The following PNPLA4 variants were observed in gnomAD, a reference collection of about 807,000 sequenced individuals.
PNPLA4 encodes the protein patatin like domain 4, phospholipase and triacylglycerol lipase.
PNPLA4 carries 15 observed loss-of-function variants against 18.3 expected under a neutral mutation model. The observed-to-expected ratio is 0.82, with a 90% CI of 0.55 to 1.26. The LOEUF is 1.26. Ranked by LOEUF, PNPLA4 falls within the 50% of genes most tolerant of loss-of-function variation. The pLI, the probability that PNPLA4 is intolerant of heterozygous loss-of-function variation, is 0.00. For synonymous variants in PNPLA4, 88 were observed against 85.6 expected (o/e 1.03, Z -0.16); for missense variants, 229 against 196.8 (o/e 1.16, Z -0.98).
rs1242564857 is a variant in PNPLA4, at chrX:7,900,199, C to A, written c.*487G>T. 1.7e-5 allele frequency: 2 copies of A among 114,305 alleles called. No homozygotes were observed. Among genetic ancestry groups the A allele is most frequent in the African/African-American group, 6.5e-5 (2 of 30,857 alleles). 9.4% of individuals were successfully genotyped at this position (114,305 alleles called of 1,213,427 possible). ...GTGTGAAAATGGACTAATACACAAA[C>A]CTTTGTTCCTCCAGTCCTGATCAAA... is the stretch of plus-strand genomic sequence containing the variant. On this transcript the variant is annotated 3_prime_UTR_variant, in exon 7 of 7. Coordinates refer to ENST00000381042, the MANE Select transcript of PNPLA4 (RefSeq NM_004650.3).
At chrX:7,923,541 C>T (rs1429555971) in intron 2 of PNPLA4, among the ~76,000 whole-genome samples, 4 of 111,975 alleles carry the variant, frequency 3.6e-5, no homozygotes, top group Non-Finnish European at 7.5e-5. Context: ...GCTGAAGGTC[C>T]TTTGTCAAAT....
chrX:7,900,792 A>C lies in PNPLA4; in HGVS notation c.656T>G (p.Leu219Arg). The change falls in exon 7 of 7, where the codon CTC (leucine) becomes CGC (arginine). Residue 219 changes from leucine to arginine, a missense_variant. Transcript: ENST00000381042. ...GCTTGGGGGAAAAAGGGCTTGGTTG[A>C]GTCTCACCAGGTTTGCCAGGGACAA... ...IMLSLANLVR[L>R]NQALFPPSKR... The C allele has an allele frequency of 2.5e-6, 3 of 1,205,315 alleles. No homozygotes were observed. The highest frequency in any genetic ancestry group is 3.6e-5 in the South Asian group (2 of 55,642).
intron 5 of PNPLA4, among the ~76,000 whole-genome samples, chrX:7,904,047 C>CT (rs752894175): frequency 1.2e-4 from 13 of 110,767 alleles, no homozygotes; most frequent in Admixed American, 4.8e-4. Flanking sequence ...CCAGAACCTG[C>CT]TTTTTTTCCC....
intron 5 of PNPLA4, among the ~76,000 whole-genome samples, chrX:7,911,073 AG>A (rs767438091): frequency 5.4e-5 from 6 of 110,120 alleles, no homozygotes; most frequent in Non-Finnish European, 1.1e-4. Flanking sequence ...TTTGATTATA[AG>A]ATGCGTATTT....
chrX:7,904,447 A>C (rs1459986400), intron 5 of PNPLA4, among the ~76,000 whole-genome samples: 1 of 112,044 alleles, frequency 8.9e-6, no homozygotes, highest in Admixed American at 9.5e-5. Context: ...TTGCAATGAT[A>C]CCGGCTCCTT....
chrX:7,913,118 A>C (rs1923929203), intron 4 of PNPLA4, among the ~76,000 whole-genome samples: 1 of 111,800 alleles, frequency 8.9e-6, no homozygotes, highest in Non-Finnish European at 1.9e-5. Flanking sequence ...GACCCGACAC[A>C]GCTGGAATCC....
At position 7,909,625 on chromosome X, in the gene PNPLA4, T is replaced by TA. The variant is rs750025208; in HGVS notation, c.477+2402dup. Among the ~76,000 whole-genome samples, 10 of 110,508 alleles carry TA rather than the reference T, an allele frequency of 9.0e-5. No individual in the cohort carries two copies. In the East Asian group the frequency reaches 2.8e-3, roughly 31 times the overall value. ...GAATATCGAGGGCAGGCTGGTAAGG[T>TA]AGACTCCTCAAATCATTTAGGACCT... is the stretch of plus-strand genomic sequence containing the variant. On this transcript the variant is annotated intron_variant, in intron 5 of 6. Coordinates refer to ENST00000381042, the MANE Select transcript of PNPLA4 (RefSeq NM_004650.3).
At chrX:7,919,560 C>A (rs1924148827) in intron 4 of PNPLA4, among the ~76,000 whole-genome samples, 1 of 112,546 alleles carries the variant, frequency 8.9e-6, no homozygotes. Flanking sequence ...TTTCAAGATT[C>A]ATGTACTTAG....
At chrX:7,917,887 G>T (rs768699339) in intron 4 of PNPLA4, among the ~76,000 whole-genome samples, 2 of 111,946 alleles carry the variant, frequency 1.8e-5, no homozygotes, top group Admixed American at 9.5e-5. Context: ...TTTCTAGTTG[G>T]ATTTTCAGGT....
At chrX:7,907,761 C>T (rs896905234) in intron 5 of PNPLA4, among the ~76,000 whole-genome samples, 3 of 109,066 alleles carry the variant, frequency 2.8e-5, no homozygotes, top group African/African-American at 1.0e-4. Flanking sequence ...CACTCTGTTG[C>T]CCAGGCTGGA....
chrX:7,926,290 T>G (rs186336185), intron 1 of PNPLA4, among the ~76,000 whole-genome samples, 158 bp from the exon 2 acceptor site: 2 of 112,887 alleles, frequency 1.8e-5, no homozygotes, highest in Admixed American at 1.9e-4. Flanking sequence ...CAAGAATCTT[T>G]CAAGGAAACC....
At chrX:7,925,889 T>C (rs1470165084) in intron 2 of PNPLA4, 51 bp downstream of exon 2, 1 of 1,075,149 alleles carries the variant, frequency 9.3e-7, no homozygotes, top group Admixed American at 2.3e-5. Flanking sequence ...TGTTTGCCTT[T>C]GGGTCTTAAT....
intron 4 of PNPLA4, among the ~76,000 whole-genome samples, chrX:7,919,879 CTT>C (rs1412008038): frequency 8.9e-6 from 1 of 111,958 alleles, no homozygotes; most frequent in Non-Finnish European, 1.9e-5. Flanking sequence ...GGCCCAGCTT[CTT>C]TCTTTTCTTT....
chrX:7,900,728 A>T lies in PNPLA4; in HGVS notation c.720T>A (p.Asp240Glu). The change falls in exon 7 of 7, where the codon GAT (aspartate) becomes GAA (glutamate). Residue 240 changes from aspartate to glutamate, a missense_variant. By Grantham distance (45) the Asp-to-Glu change is conservative. Transcript: ENST00000381042. Reference protein sequence around the residue: ...KMESLYQCGFDDTVKFLLKEN... With the variant: ...KMESLYQCGFEDTVKFLLKEN... ...CTTTAAGTAAAAACTTAACAGTGTC[A>T]TCAAAACCACACTGATACAAAGATT... is the stretch of plus-strand genomic sequence containing the variant. 1 of 1,188,142 alleles carries T rather than the reference A, an allele frequency of 8.4e-7. No individual in the cohort carries two copies. The highest frequency in any genetic ancestry group is 1.8e-5 in the South Asian group (1 of 54,808).
intron 4 of PNPLA4, among the ~76,000 whole-genome samples, chrX:7,914,188 C>T (rs1386499625): frequency 8.9e-6 from 1 of 112,290 alleles, no homozygotes; most frequent in African/African-American, 3.2e-5. Context: ...CATGCCCGCA[C>T]TGTGACATTC....
At chrX:7,921,414 T>C (rs761505651) in intron 4 of PNPLA4, among the ~76,000 whole-genome samples, 14 of 112,345 alleles carry the variant, frequency 1.2e-4, no homozygotes, top group Non-Finnish European at 2.4e-4. Flanking sequence ...TCAGGAATTA[T>C]TATTGCTACT....
intron 4 of PNPLA4, among the ~76,000 whole-genome samples, chrX:7,913,103 GC>G (rs1923928208): frequency 8.9e-6 from 1 of 111,812 alleles, no homozygotes; most frequent in Non-Finnish European, 1.9e-5. Context: ...CCTCTTTTGA[GC>G]TGTGACCCGA....
At chrX:7,903,377 G>A (rs1923605987) in intron 5 of PNPLA4, among the ~76,000 whole-genome samples, 1 of 110,077 alleles carries the variant, frequency 9.1e-6, no homozygotes, top group Admixed American at 9.7e-5. Flanking sequence ...TCAGCTCACT[G>A]CAAGCTCCGC....
intron 5 of PNPLA4, 117 bp from the exon 6 acceptor site, chrX:7,902,258 C>G (rs1051158368): frequency 1.5e-6 from 1 of 677,113 alleles, no homozygotes; most frequent in Non-Finnish European, 2.1e-6. Flanking sequence ...TTTTTGAGGA[C>G]TAATCCCATT....
Sources: gnomAD v4.1 joint callset for allele counts (sites outside exome capture counted in the v4.1 genomes callset) on GRCh38, gnomAD v4.1.1 for gene constraint, MANE v1.5 for transcripts, NCBI Gene and HGNC (gene_info 2026-07-23, HGNC 2026-07-21) for gene names.